Variants in PFDN1 observed in about 807,000 individuals in gnomAD.
PFDN1 encodes the protein prefoldin subunit 1.
A neutral mutation model predicts 17.3 loss-of-function variants in PFDN1; 6 were observed. The ratio of observed to expected loss-of-function variants is 0.35; its 90% CI spans 0.19 to 0.69. PFDN1 has a LOEUF of 0.69. PFDN1 is among the 30% of genes least tolerant of loss of function. The pLI is 0.65. For missense variants in PFDN1, 113 were observed against 146.2 expected (o/e 0.77, Z 1.17); for synonymous variants, 58 against 50.1 (o/e 1.16, Z -0.67).
chr5:140,257,805 A>T (rs1464649332), intron 3 of PFDN1, among the ~76,000 whole-genome samples: 1 of 152,234 alleles, frequency 6.6e-6, no homozygotes, highest in Admixed American at 6.5e-5. Context: ...TGGAGATTAT[A>T]CTGTTGCAGG....
chr5:140,294,619 G>C (rs1765626382), intron 2 of PFDN1, among the ~76,000 whole-genome samples: 1 of 151,840 alleles, frequency 6.6e-6, no homozygotes, highest in African/African-American at 2.4e-5. Context: ...TCTAAACAAA[G>C]GGCAGTTCAG....
chr5:140,300,276 G>A (rs146710511), intron 2 of PFDN1, 140 bp downstream of exon 2: 521 of 610,694 alleles, frequency 8.5e-4, no homozygotes, highest in African/African-American at 6.8e-3. Flanking sequence ...TGATCCACTC[G>A]CCTCGACCTC....
At chr5:140,257,135 A>C (rs1764999885) in intron 3 of PFDN1, among the ~76,000 whole-genome samples, 1 of 151,740 alleles carries the variant, frequency 6.6e-6, no homozygotes, top group Non-Finnish European at 1.5e-5. Context: ...AGGCAGGAGA[A>C]TCGCTTGAGC....
At chr5:140,274,621 T>A (rs1765261914) in intron 3 of PFDN1, among the ~76,000 whole-genome samples, 1 of 152,190 alleles carries the variant, frequency 6.6e-6, no homozygotes, top group Admixed American at 6.5e-5. Flanking sequence ...AAAGATTAAA[T>A]CTACATAAAC....
chr5:140,259,263 CA>C (rs1371382690), intron 3 of PFDN1, among the ~76,000 whole-genome samples: 1 of 152,160 alleles, frequency 6.6e-6, no homozygotes, highest in Non-Finnish European at 1.5e-5. Context: ...AGCTAGCAGA[CA>C]TTTTAACTGT....
intron 2 of PFDN1, among the ~76,000 whole-genome samples, chr5:140,288,957 C>A (rs909282923): frequency 3.3e-5 from 5 of 151,668 alleles, no homozygotes; most frequent in African/African-American, 1.2e-4. Context: ...TGCACTCCAG[C>A]CTAGGCGACA....
At chr5:140,260,155 T>G (rs958734329) in intron 3 of PFDN1, among the ~76,000 whole-genome samples, 1 of 151,826 alleles carries the variant, frequency 6.6e-6, no homozygotes, top group South Asian at 2.1e-4. Flanking sequence ...CTGGGCAACA[T>G]AGCAAGACCT....
At chr5:140,277,187 T>C (rs1282582107) in intron 3 of PFDN1, among the ~76,000 whole-genome samples, 1 of 151,328 alleles carries the variant, frequency 6.6e-6, no homozygotes, top group African/African-American at 2.4e-5. Context: ...GATCATGCCA[T>C]TGCACTACAG....
rs34979639 is a variant in PFDN1 at position 140,282,404 on chromosome 5, ATT to A, written c.201-873_201-872del. Among the ~76,000 whole-genome samples, 274 of 136,846 alleles carry A rather than the reference ATT, an allele frequency of 2.0e-3. 1 individual carries two copies. Among genetic ancestry groups the A allele is most frequent in the African/African-American group, 3.8e-3 (138 of 36,276 alleles). The allele number at this position is 136,846 out of a possible 152,430, so 89.8% of individuals were successfully genotyped here. ...TATTTGTAAAGTGGAGCGCCCCTCC[ATT>A]TTTTTTTTTTTTTTGTAACAGCAGT... is the stretch of plus-strand genomic sequence containing the variant. On this transcript the variant is annotated intron_variant, in intron 2 of 3. Coordinates refer to ENST00000261813, the MANE Select transcript of PFDN1 (RefSeq NM_002622.5).
intron 3 of PFDN1, among the ~76,000 whole-genome samples, chr5:140,252,855 C>G (rs1240787673): frequency 6.6e-6 from 1 of 152,204 alleles, no homozygotes. Context: ...AGGGCAGAGC[C>G]CTGAGGGCAC....
chr5:140,286,838 C>A (rs958912562), intron 2 of PFDN1, among the ~76,000 whole-genome samples: 3 of 152,048 alleles, frequency 2.0e-5, no homozygotes, highest in African/African-American at 7.2e-5. Context: ...CTCCTGACCT[C>A]AGGGGATCCA....
intron 3 of PFDN1, among the ~76,000 whole-genome samples, chr5:140,248,310 G>T (rs1229464354): frequency 6.6e-6 from 1 of 151,960 alleles, no homozygotes; most frequent in Non-Finnish European, 1.5e-5. Context: ...CTCGTGATCT[G>T]CCCGCCTCGG....
intron 1 of PFDN1, among the ~76,000 whole-genome samples, chr5:140,300,840 CAAG>C (rs1304953192): frequency 1.3e-5 from 2 of 152,178 alleles, no homozygotes; most frequent in African/African-American, 4.8e-5. Flanking sequence ...AGCAAGTACT[CAAG>C]GAGTAGTAAA....
chr5:140,272,247 T>C (rs975015472), intron 3 of PFDN1, among the ~76,000 whole-genome samples: 12 of 152,030 alleles, frequency 7.9e-5, no homozygotes, highest in African/African-American at 2.9e-4. Context: ...CTTGAACTCC[T>C]GACCTCAGGT....
intron 3 of PFDN1, among the ~76,000 whole-genome samples, chr5:140,252,867 T>A (rs1764934294): frequency 1.3e-5 from 2 of 152,178 alleles, no homozygotes; most frequent in Admixed American, 1.3e-4. Context: ...TGAGGGCACA[T>A]GTGCCCTGAG....
intron 2 of PFDN1, among the ~76,000 whole-genome samples, chr5:140,282,562 T>C (rs985958552): frequency 1.3e-5 from 2 of 152,216 alleles, no homozygotes; most frequent in African/African-American, 4.8e-5. Context: ...AGAGTGTATA[T>C]AGTACCTCTG....
chr5:140,288,756 G>A (rs564490509), intron 2 of PFDN1, among the ~76,000 whole-genome samples: 4 of 152,072 alleles, frequency 2.6e-5, no homozygotes, highest in East Asian at 3.9e-4. Context: ...AGGCCAAGGC[G>A]GGCAGATCAC....
At chr5:140,251,999 C>CTT (rs1348492699) in intron 3 of PFDN1, among the ~76,000 whole-genome samples, 10 of 147,142 alleles carry the variant, frequency 6.8e-5, no homozygotes, top group African/African-American at 2.5e-4. Flanking sequence ...TTTTTTTTTT[C>CTT]TTTCTTTCTT....
chr5:140,273,217 C>G (rs1765235548), intron 3 of PFDN1, among the ~76,000 whole-genome samples: 3 of 150,200 alleles, frequency 2.0e-5, no homozygotes, highest in Admixed American at 2.0e-4. Flanking sequence ...TGCACTCTAG[C>G]CTGGGCAACA....
Sources: allele counts gnomAD v4.1 joint callset (sites outside exome capture counted in the v4.1 genomes callset), GRCh38; gene constraint gnomAD v4.1.1; transcripts MANE v1.5; gene names NCBI Gene and HGNC (gene_info 2026-07-23, HGNC 2026-07-21).